KCNG3: variants seen among roughly 807,000 people sequenced by gnomAD.
The protein encoded by KCNG3 is voltage-gated potassium channel regulatory subunit KCNG3.
KCNG3 carries 15 observed loss-of-function variants against 29.0 expected under a neutral mutation model. The observed-to-expected ratio is 0.52, with a 90% CI of 0.35 to 0.80. KCNG3 has a LOEUF of 0.80. Among genes scored for constraint, KCNG3 ranks in the 30% least tolerant of loss-of-function variants. The pLI is 0.01. For missense variants in KCNG3, 512 were observed against 605.7 expected (o/e 0.85, Z 1.62); for synonymous variants, 322 against 248.9 (o/e 1.29, Z -2.76).
At chr2:42,436,663 G>A in the KCNG3 span, among the ~76,000 whole-genome samples, 1 of 152,082 alleles carries the variant, frequency 6.6e-6, no homozygotes, top group South Asian at 2.1e-4. Flanking sequence ...ATACAGTGAG[G>A]GCAAAGCAGA....
chr2:42,398,799 A>G, the KCNG3 span, among the ~76,000 whole-genome samples: 8 of 152,290 alleles, frequency 5.3e-5, no homozygotes, highest in East Asian at 1.5e-3. Flanking sequence ...TGCTTACAGT[A>G]GGGTCCCAGA....
chr2:42,485,794 G>C (rs1323826808), intron 1 of KCNG3, among the ~76,000 whole-genome samples: 1 of 152,106 alleles, frequency 6.6e-6, no homozygotes, highest in African/African-American at 2.4e-5. Flanking sequence ...GTTAAAATGA[G>C]AAACAGAACA....
Position 42,460,504 on chromosome 2 carries a change from A to G in KCNG3, c.666-15925T>C, listed in dbSNP as rs1280864268. On this transcript the variant is annotated intron_variant, in intron 1 of 1. Transcript: ENST00000306078. ...ATCCAATCCTTAAGAACTCAAAAAT[A>G]GAATGTAGAAAGTAATAAATGCTAT... Among the ~76,000 whole-genome samples the G allele has an allele frequency of 2.6e-5, 4 of 152,332 alleles. No individual in the cohort carries two copies. In the East Asian group the frequency reaches 7.7e-4, roughly 29 times the overall value.
downstream of KCNG3, among the ~76,000 whole-genome samples, chr2:42,437,076 T>TC (rs1445087596): frequency 6.6e-6 from 1 of 152,152 alleles, no homozygotes; most frequent in Non-Finnish European, 1.5e-5. Flanking sequence ...CATACGAATG[T>TC]CTGGAAACCT....
the KCNG3 span, among the ~76,000 whole-genome samples, chr2:42,413,174 C>A: frequency 4.0e-3 from 613 of 152,146 alleles, 4 homozygotes; most frequent in African/African-American, 0.014. Flanking sequence ...TAATTTATTT[C>A]TATTTTAATT....
intron 1 of KCNG3, among the ~76,000 whole-genome samples, chr2:42,486,743 A>G (rs749097829): frequency 5.9e-5 from 9 of 152,212 alleles, no homozygotes; most frequent in Non-Finnish European, 8.8e-5. Context: ...GTCTGCTTCT[A>G]TCACCACTAA....
At chr2:42,423,341 A>G in the KCNG3 span, among the ~76,000 whole-genome samples, 1 of 152,188 alleles carries the variant, frequency 6.6e-6, no homozygotes, top group South Asian at 2.1e-4. Context: ...CTCCTTAAGC[A>G]CAAACCCTGT....
the KCNG3 span, among the ~76,000 whole-genome samples, chr2:42,399,321 A>G: frequency 3.3e-5 from 5 of 151,376 alleles, no homozygotes; most frequent in Non-Finnish European, 7.4e-5. Context: ...AGCCTCTCGA[A>G]GTGCTGGGAT....
chr2:42,460,867 T>C (rs1344807330), intron 1 of KCNG3, among the ~76,000 whole-genome samples: 2 of 152,024 alleles, frequency 1.3e-5, no homozygotes, highest in African/African-American at 2.4e-5. Context: ...TTTTCTTAAC[T>C]GATAAAAAGG....
intron 1 of KCNG3, among the ~76,000 whole-genome samples, chr2:42,451,771 G>A (rs1268985187): frequency 6.6e-6 from 1 of 151,680 alleles, no homozygotes; most frequent in African/African-American, 2.4e-5. Context: ...GTGGTGGTGT[G>A]TGCCTGTAGT....
At chr2:42,459,178 A>G (rs1672951836) in intron 1 of KCNG3, among the ~76,000 whole-genome samples, 1 of 149,574 alleles carries the variant, frequency 6.7e-6, no homozygotes, top group South Asian at 2.2e-4. Flanking sequence ...ACTGGGCAAC[A>G]AGAGCGAAAC....
chr2:42,397,635 C>G, the KCNG3 span, among the ~76,000 whole-genome samples: 4 of 152,150 alleles, frequency 2.6e-5, no homozygotes, highest in African/African-American at 9.7e-5. Context: ...ATGTTCAAGC[C>G]TTTGCATGGG....
At chr2:42,446,290 C>A (rs1672595037) in intron 1 of KCNG3, among the ~76,000 whole-genome samples, 1 of 151,918 alleles carries the variant, frequency 6.6e-6, no homozygotes, top group African/African-American at 2.4e-5. Flanking sequence ...AATTCTCGTG[C>A]CTCACCCTCC....
At chr2:42,431,793 T>C in the KCNG3 span, among the ~76,000 whole-genome samples, 24 of 152,144 alleles carry the variant, frequency 1.6e-4, no homozygotes, top group Non-Finnish European at 3.2e-4. Context: ...ACCCCAACAC[T>C]TCGGGAGGCC....
the KCNG3 span, among the ~76,000 whole-genome samples, chr2:42,428,561 T>C: frequency 6.6e-6 from 1 of 152,064 alleles, no homozygotes; most frequent in Non-Finnish European, 1.5e-5. Flanking sequence ...CTCTAATTAT[T>C]TTCACCTAAT....
At chr2:42,403,873 T>A in the KCNG3 span, among the ~76,000 whole-genome samples, 9 of 152,130 alleles carry the variant, frequency 5.9e-5, no homozygotes, top group Non-Finnish European at 1.2e-4. Flanking sequence ...AGTGCTGGGA[T>A]TACGGGCATG....
intron 1 of KCNG3, among the ~76,000 whole-genome samples, chr2:42,474,870 G>C (rs1306158274): frequency 6.6e-6 from 1 of 152,076 alleles, no homozygotes; most frequent in African/African-American, 2.4e-5. Flanking sequence ...TCCTTTGAAA[G>C]CAATAGGTTT....
At chr2:42,418,986 A>G in the KCNG3 span, among the ~76,000 whole-genome samples, 353 of 152,224 alleles carry the variant, frequency 2.3e-3, 3 homozygotes, top group Non-Finnish European at 3.1e-3. Flanking sequence ...AACAAAGCTG[A>G]AGCTTATCCC....
intron 1 of KCNG3, among the ~76,000 whole-genome samples, chr2:42,451,228 A>AC (rs1294601810): frequency 2.7e-5 from 4 of 149,188 alleles, no homozygotes; most frequent in African/African-American, 9.8e-5. Context: ...AAAAAAAAAA[A>AC]AGATTAAATG....
Sources: allele counts gnomAD v4.1 joint callset (sites outside exome capture counted in the v4.1 genomes callset), GRCh38; gene constraint gnomAD v4.1.1; transcripts MANE v1.5; gene names NCBI Gene and HGNC (gene_info 2026-07-23, HGNC 2026-07-21).